The following CORO7 variants were observed in gnomAD, a reference collection of about 807,000 sequenced individuals.
CORO7 encodes coronin-7.
CORO7 carries 107 observed loss-of-function variants against 126.6 expected under a neutral mutation model. The observed-to-expected ratio is 0.85, with a 90% confidence interval of 0.72 to 0.99. CORO7 has a LOEUF of 0.99. Ranked by LOEUF, CORO7 falls within the 50% of genes least tolerant of loss-of-function variation. The probability of loss-of-function intolerance (pLI) is 0.00; values close to 1 mark genes in which losing one functional copy is unlikely to be tolerated. For synonymous variants in CORO7, 603 were observed against 536.8 expected, an observed-to-expected ratio of 1.12 and a Z score of -1.70; for missense variants, 1,314 against 1,255.8, an observed-to-expected ratio of 1.05 and a Z score of -0.70.
intron 14 of CORO7, 45 bp downstream of exon 14, chr16:4,364,231 A>C: frequency 6.7e-7 from 1 of 1,487,464 alleles, no homozygotes. Context: ...CAGGGCAGCC[A>C]CTGCAGTGTC....
At chr16:4,361,762 C>G in intron 16 of CORO7, 1 of 838,758 alleles carries the variant, frequency 1.2e-6, no homozygotes, top group Non-Finnish European at 2.0e-6. Context: ...GCTGTGTGAC[C>G]CGGGCAGGTC....
chr16:4,387,180 C>G (rs925141957), intron 9 of CORO7, among the ~76,000 whole-genome samples: 17 of 152,238 alleles, frequency 1.1e-4, no homozygotes, highest in African/African-American at 2.9e-4. Flanking sequence ...TCTGAACACC[C>G]CCCCCAGCCT....
chr16:4,376,398 A>G (rs2054732469), intron 9 of CORO7, among the ~76,000 whole-genome samples: 1 of 152,112 alleles, frequency 6.6e-6, no homozygotes. Flanking sequence ...CAGCATGAGG[A>G]GCGGGGGCCC....
At chr16:4,373,190 G>A (rs1424566456) in intron 9 of CORO7, among the ~76,000 whole-genome samples, 1 of 152,154 alleles carries the variant, frequency 6.6e-6, no homozygotes, top group African/African-American at 2.4e-5. Context: ...TCTCCCAGGG[G>A]AGTTGGCCTG....
At chr16:4,371,872 G>A (rs2141215961) in intron 9 of CORO7, 1 of 152,254 alleles carries the variant, frequency 6.6e-6, no homozygotes, top group Non-Finnish European at 1.5e-5. Flanking sequence ...AGCCCGGGGC[G>A]GGTGGACGCG....
chr16:4,367,670 AAG>A (rs1241302965), intron 9 of CORO7, among the ~76,000 whole-genome samples: 2 of 152,132 alleles, frequency 1.3e-5, no homozygotes, highest in African/African-American at 4.8e-5. Context: ...ACCTCACAGG[AAG>A]AGAGTTTCAG....
intron 19 of CORO7, among the ~76,000 whole-genome samples, 178 bp from the exon 20 acceptor site, chr16:4,360,726 C>G (rs2054142112): frequency 6.9e-6 from 1 of 145,122 alleles, no homozygotes; most frequent in African/African-American, 2.6e-5. Context: ...CTGCTGGCCC[C>G]CCTTCTCCTC....
In CORO7 at chr16:4,361,368, G is replaced by A. The variant is rs544468276; in HGVS notation, c.1680C>T (p.Leu560=). Residue 560 remains leucine (L), a synonymous_variant, in exon 17 of 28, where the codon CTC becomes CTT. Transcript: ENST00000251166. ...LAWDPFDPHR[L]AVAGEDARIR... is the part of the protein sequence containing the mutation. ...GGCACCCAGCCTCCTTACCCACAGC[G>A]AGGCGATGGGGGTCAAAGGGGTCCC... is the stretch of plus-strand genomic sequence containing the variant. 8 of 1,612,072 alleles carry A rather than the reference G, an allele frequency of 5.0e-6. No homozygotes were observed. The highest frequency in any genetic ancestry group is 1.7e-4 in the Middle Eastern group (1 of 6,052).
intron 9 of CORO7, among the ~76,000 whole-genome samples, chr16:4,367,259 G>A (rs2141204276): frequency 6.6e-6 from 1 of 152,222 alleles, no homozygotes; most frequent in East Asian, 1.9e-4. Context: ...TAGAGGTGGA[G>A]GCGGAGGCGG....
rs1414130988 is a variant in CORO7 at position 4,355,016 on chromosome 16, T to C, written c.*142A>G. ...TGGGAACTGCCAGAGGCCCAGAGGA[T>C]GTGGAAGTGCCCACGGGAAGGCAGG... On this transcript the variant is annotated 3_prime_UTR_variant, in exon 28 of 28. Coordinates refer to ENST00000251166, the MANE Select transcript of CORO7 (RefSeq NM_024535.5). 2.3e-6 allele frequency: 2 copies of C among 881,804 alleles called. No individual in the cohort carries two copies. Among genetic ancestry groups the C allele is most frequent in the Non-Finnish European group, 3.3e-6 (2 of 609,422 alleles). 54.6% of individuals were successfully genotyped at this position (881,804 alleles called of 1,614,324 possible).
chr16:4,357,145 C>A, intron 26 of CORO7, 23 bp downstream of exon 26: 1 of 1,613,526 alleles, frequency 6.2e-7, no homozygotes, highest in Non-Finnish European at 8.5e-7. Flanking sequence ...CACCTCCGCA[C>A]AGCTGCTCTC....
rs530428459 is a variant in CORO7, at chr16:4,361,343, G to C, written c.1687+18C>G. ...GACCCAGGACCCTCCCTCAAGCCCA[G>C]GCACCCAGCCTCCTTACCCACAGCG... On this transcript the variant is annotated intron_variant, in intron 17 of 27. Coordinates refer to ENST00000251166, the MANE Select transcript of CORO7 (RefSeq NM_024535.5). 6.2e-7 allele frequency: 1 copy of C among 1,611,520 alleles called. No homozygotes were observed. Among genetic ancestry groups the C allele is most frequent in the South Asian group, 1.1e-5 (1 of 91,046 alleles).
Position 4,357,245 on chromosome 16 carries a change from G to A in CORO7, c.2608C>T (p.Arg870Ter), listed in dbSNP as rs138689319. The change falls in exon 26 of 28, where the codon CGA becomes TGA. Residue 870 changes from arginine (R) to a stop codon, truncating the protein, a stop_gained. Coordinates refer to ENST00000251166, the MANE Select transcript of CORO7 (RefSeq NM_024535.5). LOFTEE classifies it high-confidence loss of function. ...PDMSPVSQAP[R>*]EAPARRAPSS... ...GGGGCCCGACGAGCAGGGGCCTCTC[G>A]GGGGGCTTGGCTCACTGGGACAGAG... 4.9e-4 allele frequency: 792 copies of A among 1,613,060 alleles called. 1 individual carries two copies. The highest frequency in any genetic ancestry group is 5.6e-4 in the Non-Finnish European group (659 of 1,179,748).
chr16:4,388,176 G>A (rs2055263008), intron 8 of CORO7, 108 bp from the exon 9 acceptor site: 1 of 1,411,000 alleles, frequency 7.1e-7, no homozygotes, highest in African/African-American at 1.4e-5. Context: ...CGGGGCACCT[G>A]CCCCAGAGCA....
chr16:4,359,790 T>C (rs958017260), intron 21 of CORO7, among the ~76,000 whole-genome samples, 169 bp from the exon 22 acceptor site: 11 of 151,978 alleles, frequency 7.2e-5, no homozygotes, highest in East Asian at 1.9e-4. Flanking sequence ...GGGTTCCCCA[T>C]TGACTCTTTC....
intron 9 of CORO7, among the ~76,000 whole-genome samples, chr16:4,374,249 CT>C (rs2054635677): frequency 6.6e-6 from 1 of 152,122 alleles, no homozygotes; most frequent in African/African-American, 2.4e-5. Context: ...CCTCAGCCTC[CT>C]TCCTTTTATC....
At chr16:4,357,915 C>T in intron 25 of CORO7, 53 bp downstream of exon 25, 2 of 1,559,832 alleles carry the variant, frequency 1.3e-6, no homozygotes, top group Non-Finnish European at 1.7e-6. Context: ...GCCTTCTGTC[C>T]CTTTCTCCAA....
chr16:4,360,700 G>A, intron 19 of CORO7, 152 bp from the exon 20 acceptor site: 1 of 1,273,108 alleles, frequency 7.9e-7, no homozygotes. Flanking sequence ...CCTCACTGCT[G>A]GCCCCCCTCT....
Position 4,358,091 on chromosome 16 carries a change from G to C in CORO7, c.2470C>G (p.Gln824Glu). The change falls in exon 25 of 28, where the codon CAG (glutamine) becomes GAG (glutamate). Residue 824 changes from glutamine (Q) to glutamate (E), a missense_variant. Physicochemically the swap from Gln to Glu is conservative, Grantham distance 29 (BLOSUM62 2). Transcript: ENST00000251166. Reference sequence around the variant, plus strand: ...GCCGTGTCTGGGAACACGTCATCCTGGAAGAACTCTTTCTGCAGAGGGAGA... The same window carrying C: ...GCCGTGTCTGGGAACACGTCATCCTCGAAGAACTCTTTCTGCAGAGGGAGA... ...RLPRVRKEFF[Q>E]DDVFPDTAVI... 1 of 1,612,084 alleles carries C rather than the reference G, an allele frequency of 6.2e-7. No individual in the cohort carries two copies. Among genetic ancestry groups the C allele is most frequent in the Non-Finnish European group, 8.5e-7 (1 of 1,178,642 alleles).
Sources: gnomAD v4.1 joint callset for allele counts (sites outside exome capture counted in the v4.1 genomes callset) on GRCh38, gnomAD v4.1.1 for gene constraint, MANE v1.5 for transcripts, NCBI Gene and HGNC (gene_info 2026-07-23, HGNC 2026-07-21) for gene names.